The following POU2AF2 variants were observed in gnomAD, a reference collection of about 807,000 sequenced individuals.
The protein encoded by POU2AF2 is POU domain class 2-associating factor 2.
chr11:111,285,849 A>G, the POU2AF2 span: 1 of 1,609,826 alleles, frequency 6.2e-7, no homozygotes, highest in African/African-American at 1.3e-5. Flanking sequence ...GCTCTGGAAG[A>G]TCTGCACCAC....
chr11:111,275,682 A>G, the POU2AF2 span, among the ~76,000 whole-genome samples: 1 of 152,362 alleles, frequency 6.6e-6, no homozygotes, highest in South Asian at 2.1e-4. Context: ...CCACATGAAC[A>G]ATAGACAATA....
chr11:111,274,757 G>C, the POU2AF2 span, among the ~76,000 whole-genome samples: 1 of 151,860 alleles, frequency 6.6e-6, no homozygotes, highest in East Asian at 1.9e-4. Flanking sequence ...AAACTAGGAT[G>C]CTTTTCTATT....
the POU2AF2 span, among the ~76,000 whole-genome samples, chr11:111,247,953 C>T: frequency 1.4e-5 from 2 of 147,054 alleles, no homozygotes; most frequent in Non-Finnish European, 3.0e-5. Context: ...GCGCGATCTC[C>T]GCTCACTGCA....
the POU2AF2 span, among the ~76,000 whole-genome samples, chr11:111,272,213 A>G: frequency 6.6e-6 from 1 of 152,098 alleles, no homozygotes; most frequent in African/African-American, 2.4e-5. Flanking sequence ...CCAGACTCAG[A>G]TATCATCTAT....
At chr11:111,254,760 G>A in the POU2AF2 span, among the ~76,000 whole-genome samples, 1 of 152,086 alleles carries the variant, frequency 6.6e-6, no homozygotes, top group Admixed American at 6.5e-5. Context: ...CCAGATTAGA[G>A]AATAATTTTG....
chr11:111,268,194 T>C, the POU2AF2 span, among the ~76,000 whole-genome samples: 8 of 152,180 alleles, frequency 5.3e-5, no homozygotes, highest in African/African-American at 1.9e-4. Flanking sequence ...GGATAGTATA[T>C]TGAATCTGTG....
the POU2AF2 span, among the ~76,000 whole-genome samples, chr11:111,252,648 C>T: frequency 2.6e-5 from 4 of 151,886 alleles, no homozygotes; most frequent in African/African-American, 4.8e-5. Flanking sequence ...GTGCCCTTGA[C>T]CTTAATTTCT....
At chr11:111,281,162 A>G in the POU2AF2 span, among the ~76,000 whole-genome samples, 1 of 152,238 alleles carries the variant, frequency 6.6e-6, no homozygotes, top group Non-Finnish European at 1.5e-5. Flanking sequence ...CATTTCATCC[A>G]GCCAGTGCTT....
the POU2AF2 span, among the ~76,000 whole-genome samples, chr11:111,276,439 GAAAAAAA>G: frequency 4.5e-5 from 2 of 44,442 alleles, no homozygotes; most frequent in African/African-American, 1.9e-4. Context: ...CTACTAAAAA[GAAAAAAA>G]AAAAAAAATA....
chr11:111,280,878 G>A, the POU2AF2 span, among the ~76,000 whole-genome samples: 4 of 152,156 alleles, frequency 2.6e-5, no homozygotes, highest in Non-Finnish European at 5.9e-5. Context: ...AAATTCATGC[G>A]AGTTTTGCTG....
the POU2AF2 span, among the ~76,000 whole-genome samples, chr11:111,259,924 G>T: frequency 1.7e-3 from 256 of 152,298 alleles, 3 homozygotes; most frequent in African/African-American, 5.8e-3. Flanking sequence ...CCAAAATGCG[G>T]TTATTTGGAC....
the POU2AF2 span, among the ~76,000 whole-genome samples, chr11:111,250,604 A>G: frequency 6.6e-6 from 1 of 152,260 alleles, no homozygotes; most frequent in Non-Finnish European, 1.5e-5. Flanking sequence ...GCAGACAGAC[A>G]ATAAACAATA....
At chr11:111,276,453 A>ATATAT in the POU2AF2 span, among the ~76,000 whole-genome samples, 61 of 37,640 alleles carry the variant, frequency 1.6e-3, 1 homozygote, top group Non-Finnish European at 2.1e-3. Flanking sequence ...AAAAAAAAAA[A>ATATAT]ATATATATAT....
the POU2AF2 span, among the ~76,000 whole-genome samples, chr11:111,269,909 A>C: frequency 6.6e-6 from 1 of 152,238 alleles, no homozygotes; most frequent in African/African-American, 2.4e-5. Context: ...CAAATGACAT[A>C]AAATAGTTTA....
chr11:111,258,057 G>T, the POU2AF2 span, among the ~76,000 whole-genome samples: 3 of 152,192 alleles, frequency 2.0e-5, no homozygotes, highest in African/African-American at 4.8e-5. Context: ...GGCAGAGGTT[G>T]CAGTGATCTG....
the POU2AF2 span, chr11:111,285,766 C>A: frequency 6.2e-7 from 1 of 1,613,044 alleles, no homozygotes; most frequent in African/African-American, 1.3e-5. Context: ...AGCTTGAGTC[C>A]GGGAGCATCG....
chr11:111,252,526 C>G, the POU2AF2 span, among the ~76,000 whole-genome samples: 1 of 151,852 alleles, frequency 6.6e-6, no homozygotes, highest in African/African-American at 2.4e-5. Context: ...AATTGCTCTC[C>G]TATGCCAGCC....
At chr11:111,256,505 G>A in the POU2AF2 span, among the ~76,000 whole-genome samples, 2 of 152,242 alleles carry the variant, frequency 1.3e-5, no homozygotes, top group Admixed American at 1.3e-4. Flanking sequence ...CCTCCTGACT[G>A]AGGAGCCTGA....
chr11:111,246,782 A>T, the POU2AF2 span, among the ~76,000 whole-genome samples: 3 of 152,242 alleles, frequency 2.0e-5, no homozygotes, highest in African/African-American at 4.8e-5. Flanking sequence ...GAAACAGATT[A>T]ATATATCTAT....
Sources: allele counts gnomAD v4.1 joint callset (sites outside exome capture counted in the v4.1 genomes callset), GRCh38; gene constraint gnomAD v4.1.1; transcripts MANE v1.5; gene names NCBI Gene and HGNC (gene_info 2026-07-23, HGNC 2026-07-21).